KSR1: variants seen among roughly 807,000 people sequenced by gnomAD.
KSR1 encodes kinase suppressor of ras 1.
Under a neutral mutation model 92.9 loss-of-function variants are expected in KSR1, and 35 were observed. That is an observed-to-expected ratio of 0.38 (90% CI 0.29 to 0.50). KSR1 has a LOEUF of 0.50. KSR1 is among the 20% of genes least tolerant of loss of function. The pLI is 0.94. For synonymous variants in KSR1, 467 were observed against 472.6 expected (o/e 0.99, Z 0.15); for missense variants, 972 against 1,158.5 (o/e 0.84, Z 2.34).
intron 20 of KSR1, 111 bp downstream of exon 20, chr17:27,621,384 T>TG (rs2074219404): frequency 2.5e-6 from 1 of 396,124 alleles, no homozygotes; most frequent in Non-Finnish European, 4.4e-6. Context: ...GTGTCATTTA[T>TG]TCTCGCAAAC....
intron 1 of KSR1, among the ~76,000 whole-genome samples, chr17:27,481,109 T>C (rs1462330661): frequency 6.6e-6 from 1 of 152,256 alleles, no homozygotes; most frequent in East Asian, 1.9e-4. Context: ...TGAAACCATA[T>C]ACCTCAACAA....
chr17:27,605,686 G>A lies in KSR1; in HGVS notation c.1867G>A (p.Gly623Ser), dbSNP rs545464738. 43 of 1,612,828 alleles carry A rather than the reference G, an allele frequency of 2.7e-5. No individual in the cohort carries two copies. The East Asian group carries it at 6.0e-4, about 23-fold the overall frequency. The change falls in exon 14 of 21, where the codon GGC becomes AGC. Residue 623 changes from glycine (G) to serine (S), a missense_variant. Gly to Ser is a moderately conservative substitution (Grantham distance 56). Coordinates refer to ENST00000644974, the MANE Select transcript of KSR1 (RefSeq NM_001394583.1). ...EVAIRLLEMD[G>S]HNQDHLKLFK... is the part of the protein sequence containing the mutation. The stretch of plus-strand genomic sequence containing the variant: ...GGCCATTCGCCTGCTGGAGATGGAC[G>A]GCCACAACCAGGACCACCTGAAGCT...
At chr17:27,613,606 T>A (rs1255612784) in intron 18 of KSR1, among the ~76,000 whole-genome samples, 1 of 152,176 alleles carries the variant, frequency 6.6e-6, no homozygotes, top group East Asian at 1.9e-4. Context: ...CCTGTGCAGG[T>A]TCCCTCATCT....
At chr17:27,483,295 A>G (rs1352878234) in intron 1 of KSR1, among the ~76,000 whole-genome samples, 2 of 152,244 alleles carry the variant, frequency 1.3e-5, no homozygotes, top group Non-Finnish European at 2.9e-5. Context: ...TGAGGTAGAA[A>G]TCACAGACCC....
chr17:27,514,528 C>T (rs1413132801), intron 1 of KSR1, among the ~76,000 whole-genome samples: 2 of 152,036 alleles, frequency 1.3e-5, no homozygotes, highest in African/African-American at 4.8e-5. Flanking sequence ...GGTGTGGTGG[C>T]GTACGCCTGT....
intron 5 of KSR1, among the ~76,000 whole-genome samples, chr17:27,586,904 G>C (rs925402178): frequency 2.0e-5 from 3 of 152,072 alleles, no homozygotes; most frequent in African/African-American, 7.2e-5. Flanking sequence ...ACGAAATCTC[G>C]CTCTATCACC....
intron 10 of KSR1, among the ~76,000 whole-genome samples, chr17:27,599,882 T>TG (rs1567873802): frequency 2.6e-5 from 4 of 152,110 alleles, no homozygotes; most frequent in African/African-American, 9.7e-5. Context: ...CTTTTACTTT[T>TG]TAAACTTTTT....
intron 6 of KSR1, among the ~76,000 whole-genome samples, chr17:27,590,193 C>T (rs1312535604): frequency 1.3e-5 from 2 of 152,218 alleles, no homozygotes; most frequent in Non-Finnish European, 2.9e-5. Flanking sequence ...CTATTCACTT[C>T]TATTGTCATA....
At chr17:27,556,885 T>C (rs1339800606) in intron 2 of KSR1, among the ~76,000 whole-genome samples, 1 of 152,114 alleles carries the variant, frequency 6.6e-6, no homozygotes, top group Non-Finnish European at 1.5e-5. Context: ...AGAAGCAAAG[T>C]TGTATTTTCT....
intron 18 of KSR1, among the ~76,000 whole-genome samples, chr17:27,613,553 G>A (rs2073979022): frequency 6.6e-6 from 1 of 152,214 alleles, no homozygotes; most frequent in South Asian, 2.1e-4. Context: ...TTCCCCCAGT[G>A]CATGTGGGTC....
At chr17:27,501,988 G>C (rs1688119418) in intron 1 of KSR1, among the ~76,000 whole-genome samples, 1 of 152,254 alleles carries the variant, frequency 6.6e-6, no homozygotes, top group Admixed American at 6.5e-5. Context: ...TGTCCCTCAG[G>C]TGGACTGTGC....
chr17:27,620,960 G>C lies in KSR1; in HGVS notation c.2628-233G>C, dbSNP rs549047050. 6.9e-4 allele frequency: 254 copies of C among 369,446 alleles called. 2 individuals are homozygous for C. In the East Asian group the frequency reaches 9.7e-3, roughly 14 times the overall value. 22.9% of individuals were successfully genotyped at this position (369,446 alleles called of 1,614,324 possible). On this transcript the variant is annotated intron_variant, in intron 19 of 20. Transcript: ENST00000644974. ...GAATGAGTCTGTGTCAAAGCTTCCT[G>C]TTCACAGTGTTTACTTTCTACACGC...
chr17:27,457,946 G>C (rs1233820102), intron 1 of KSR1, among the ~76,000 whole-genome samples: 2 of 127,936 alleles, frequency 1.6e-5, no homozygotes, highest in Non-Finnish European at 3.1e-5. Context: ...TCTGCCAGCT[G>C]TCATAAGGCC....
At position 27,592,630 on chromosome 17, in the gene KSR1, C is replaced by T. The variant is rs757322715; in HGVS notation, c.1299+4C>T. The T allele has an allele frequency of 3.9e-5, 63 of 1,612,456 alleles. No homozygotes were observed. The highest frequency in any genetic ancestry group is 6.7e-5 in the East Asian group (3 of 44,864). On this transcript the variant is annotated splice_donor_region_variant and intron_variant, in intron 9 of 20. Transcript: ENST00000644974. Reference sequence around the variant, plus strand: ...CCCCAAAGCACTGACAAAGAAGGTACGCTGGGTAATGCTGGGGAGGACGCC... The same window carrying T: ...CCCCAAAGCACTGACAAAGAAGGTATGCTGGGTAATGCTGGGGAGGACGCC...
At chr17:27,505,191 C>G (rs1187472672) in intron 1 of KSR1, among the ~76,000 whole-genome samples, 1 of 152,198 alleles carries the variant, frequency 6.6e-6, no homozygotes, top group African/African-American at 2.4e-5. Flanking sequence ...TTTGAATCCT[C>G]TGGGAGCTGG....
intron 6 of KSR1, among the ~76,000 whole-genome samples, chr17:27,589,097 T>G (rs962630066): frequency 6.6e-6 from 1 of 152,220 alleles, no homozygotes; most frequent in Non-Finnish European, 1.5e-5. Context: ...AGGCACGCCA[T>G]GCAGTTTGGC....
At chr17:27,529,905 C>T (rs1240052614) in intron 1 of KSR1, among the ~76,000 whole-genome samples, 1 of 152,116 alleles carries the variant, frequency 6.6e-6, no homozygotes, top group Non-Finnish European at 1.5e-5. Context: ...TATCTTTGGC[C>T]CCCACTTGAA....
At chr17:27,468,013 T>G (rs1228186635) in intron 1 of KSR1, among the ~76,000 whole-genome samples, 1 of 152,072 alleles carries the variant, frequency 6.6e-6, no homozygotes, top group African/African-American at 2.4e-5. Context: ...GAGACGGGGT[T>G]TCACCGTGTT....
intron 1 of KSR1, among the ~76,000 whole-genome samples, chr17:27,526,083 T>C (rs1484969219): frequency 3.3e-5 from 3 of 90,726 alleles, no homozygotes; most frequent in Non-Finnish European, 6.5e-5. Context: ...TTTCTTTCTT[T>C]CTTTCTTTCT....
Sources: allele counts gnomAD v4.1 joint callset (sites outside exome capture counted in the v4.1 genomes callset), GRCh38; gene constraint gnomAD v4.1.1; transcripts MANE v1.5; gene names NCBI Gene and HGNC (gene_info 2026-07-23, HGNC 2026-07-21).